Variants in SLC6A16 observed in about 807,000 individuals in gnomAD.
SLC6A16 encodes solute carrier family 6 member 16, also known as orphan sodium- and chloride-dependent neurotransmitter transporter NTT5.
Under a neutral mutation model 65.4 loss-of-function variants are expected in SLC6A16, and 54 were observed. The ratio of observed to expected loss-of-function variants is 0.83; its 90% CI spans 0.66 to 1.04. The LOEUF (loss-of-function observed/expected upper bound fraction) is 1.04, where lower values mean the gene tolerates loss of function less well. Ranked by LOEUF, SLC6A16 falls within the 50% of genes least tolerant of loss-of-function variation. SLC6A16 has a pLI of 0.00. For synonymous variants in SLC6A16, 330 were observed against 346.5 expected (o/e 0.95, Z 0.53); for missense variants, 816 against 914.0 (o/e 0.89, Z 1.38).
At chr19:49,314,384 T>C (rs1031188833) in intron 1 of SLC6A16, among the ~76,000 whole-genome samples, 2 of 152,162 alleles carry the variant, frequency 1.3e-5, no homozygotes, top group Non-Finnish European at 2.9e-5. Flanking sequence ...AATTAGAAGG[T>C]CACTGCTTAT....
chr19:49,296,006 T>C (rs1970178233), intron 7 of SLC6A16, among the ~76,000 whole-genome samples: 1 of 152,242 alleles, frequency 6.6e-6, no homozygotes, highest in Non-Finnish European at 1.5e-5. Context: ...TTCTTTTTTT[T>C]TGAGATGGAG....
chr19:49,337,539 T>C, the SLC6A16 span: 1 of 938,412 alleles, frequency 1.1e-6, no homozygotes, highest in Non-Finnish European at 1.5e-6. Context: ...GGAGGATCAC[T>C]TGAGCCAGGG....
chr19:49,315,358 C>A (rs1017063420), intron 1 of SLC6A16, among the ~76,000 whole-genome samples: 1 of 152,210 alleles, frequency 6.6e-6, no homozygotes, highest in Non-Finnish European at 1.5e-5. Flanking sequence ...AGGTGGGCCA[C>A]TCCTCTGTTA....
intron 7 of SLC6A16, among the ~76,000 whole-genome samples, chr19:49,301,099 A>G (rs924556960): frequency 6.6e-6 from 1 of 152,194 alleles, no homozygotes; most frequent in African/African-American, 2.4e-5. Context: ...GGAAGAATTG[A>G]GAAGTCGGCT....
upstream of SLC6A16, among the ~76,000 whole-genome samples, chr19:49,327,077 G>A (rs1427469100): frequency 5.0e-5 from 7 of 139,458 alleles, no homozygotes; most frequent in East Asian, 2.2e-4. Flanking sequence ...TATTTCTATC[G>A]AATTTTTTTT....
chr19:49,320,153 A>T (rs1482582322), intron 1 of SLC6A16, among the ~76,000 whole-genome samples: 1 of 152,234 alleles, frequency 6.6e-6, no homozygotes, highest in Non-Finnish European at 1.5e-5. Context: ...TCACGCCTGT[A>T]ATCCCAGCAC....
intron 7 of SLC6A16, among the ~76,000 whole-genome samples, chr19:49,302,793 A>G (rs2146102074): frequency 6.6e-6 from 1 of 152,352 alleles, no homozygotes; most frequent in Non-Finnish European, 1.5e-5. Flanking sequence ...CACTGAAAAT[A>G]TGAAAAAGAA....
In SLC6A16 at chr19:49,309,403, A is replaced by G. The variant is rs772388131; in HGVS notation, c.885T>C (p.Tyr295=). 10 of 1,612,338 alleles carry G rather than the reference A, an allele frequency of 6.2e-6. No homozygotes were observed. Among genetic ancestry groups the G allele is most frequent in the African/African-American group, 2.7e-5 (2 of 74,878 alleles). Residue 295 remains tyrosine (Y), a synonymous_variant, in exon 6 of 12, where the codon TAT becomes TAC. Coordinates refer to ENST00000335875, the MANE Select transcript of SLC6A16 (RefSeq NM_014037.3). ...NGLKSTGKVI[Y]VLVLLPCFII... is the part of the protein sequence containing the mutation. ...TGAAACAGGGGAGCAGTACCAAGAC[A>G]TAGATTACCTGAATCGAGAGTGGGA...
intron 1 of SLC6A16, among the ~76,000 whole-genome samples, chr19:49,320,690 A>G (rs1970696237): frequency 6.6e-6 from 1 of 152,214 alleles, no homozygotes; most frequent in African/African-American, 2.4e-5. Context: ...ATTATTACCA[A>G]TTCTACAGAA....
chr19:49,337,695 A>G, the SLC6A16 span: 14 of 1,531,768 alleles, frequency 9.1e-6, no homozygotes, highest in Non-Finnish European at 1.2e-5. Context: ...CGGGAAAAAG[A>G]GAGAACAAGA....
In SLC6A16 at chr19:49,290,251, C is replaced by T. The variant is rs142309154; in HGVS notation, c.2083G>A (p.Gly695Arg). Residue 695 changes from glycine to arginine, a missense_variant, in exon 12 of 12, where the codon GGG becomes AGG. By Grantham distance (125) the Gly-to-Arg change is moderately radical (BLOSUM62 -2). Coordinates refer to ENST00000335875, the MANE Select transcript of SLC6A16 (RefSeq NM_014037.3). ...AGGGATGTGGAGGCTGTCATAGGCC[C>T]GTCTCCGCTCTTGGGCCTGAAGGGA... ...RIPFRPKSGD[G>R]PMTASTSLPL... 3.7e-4 allele frequency: 605 copies of T among 1,614,024 alleles called. 2 individuals carry two copies. The South Asian group carries it at 3.8e-3, about 10-fold the overall frequency.
chr19:49,329,789 C>T (rs1182118900), upstream of SLC6A16, among the ~76,000 whole-genome samples: 9 of 151,870 alleles, frequency 5.9e-5, no homozygotes, highest in Admixed American at 3.9e-4. Flanking sequence ...CCCGCCACTA[C>T]GCCTGGCTAA....
chr19:49,294,153 A>C (rs901518103), intron 8 of SLC6A16, 125 bp from the exon 9 acceptor site: 4 of 949,158 alleles, frequency 4.2e-6, no homozygotes, highest in Non-Finnish European at 6.2e-6. Flanking sequence ...TGAGAAAATC[A>C]GATGTCCAAG....
chr19:49,294,910 G>A (rs1319183377), intron 7 of SLC6A16, among the ~76,000 whole-genome samples: 2 of 152,008 alleles, frequency 1.3e-5, no homozygotes, highest in South Asian at 2.1e-4. Flanking sequence ...CAGCATGTCC[G>A]GGAGCACACA....
chr19:49,338,566 C>T, the SLC6A16 span: 1 of 690,046 alleles, frequency 1.4e-6, no homozygotes, highest in Non-Finnish European at 2.6e-6. The surrounding 1 kb of genome is among the most constrained non-coding windows in gnomAD (Gnocchi z 5.0). Flanking sequence ...GACCCCAGCC[C>T]ACTGTCCCCC....
At chr19:49,328,145 A>C (rs1970816480), upstream of SLC6A16, among the ~76,000 whole-genome samples, 1 of 152,170 alleles carries the variant, frequency 6.6e-6, no homozygotes. Flanking sequence ...GCTGTAAAGA[A>C]CTGCTCAAGA....
chr19:49,309,549 TA>T, intron 5 of SLC6A16, 101 bp downstream of exon 5: 1 of 1,311,014 alleles, frequency 7.6e-7, no homozygotes, highest in Non-Finnish European at 1.1e-6. Flanking sequence ...GCTAGGGGAG[TA>T]AAAGCCAAAG....
the SLC6A16 span, among the ~76,000 whole-genome samples, chr19:49,330,720 T>C: frequency 5.3e-5 from 8 of 152,124 alleles, no homozygotes; most frequent in Non-Finnish European, 1.2e-4. Flanking sequence ...GGTGGGCAGA[T>C]CACCTGAGGT....
chr19:49,328,443 T>G (rs1328546166), upstream of SLC6A16, among the ~76,000 whole-genome samples: 1 of 152,070 alleles, frequency 6.6e-6, no homozygotes, highest in Non-Finnish European at 1.5e-5. Context: ...AGATTTTGGG[T>G]GGGGACACAG....
Sources: gnomAD v4.1 joint callset for allele counts (sites outside exome capture counted in the v4.1 genomes callset) on GRCh38, gnomAD v4.1.1 for gene constraint, Gnocchi (gnomAD v3.1) non-coding constraint, MANE v1.5 for transcripts, NCBI Gene and HGNC (gene_info 2026-07-23, HGNC 2026-07-21) for gene names.